Variants in SPTLC2 observed in about 807,000 individuals in gnomAD.
SPTLC2 encodes serine palmitoyltransferase long chain base subunit 2.
A neutral mutation model predicts 62.0 loss-of-function variants in SPTLC2; 21 were observed. The ratio of observed to expected loss-of-function variants is 0.34; its 90% CI spans 0.24 to 0.49. SPTLC2 has a LOEUF of 0.49. SPTLC2 is among the 20% of genes least tolerant of loss of function. The pLI is 0.99. For missense variants in SPTLC2, 511 were observed against 713.0 expected (o/e 0.72, Z 3.23); for synonymous variants, 261 against 261.8 (o/e 1.00, Z 0.03).
chr14:77,515,758 C>T (rs948715128), intron 11 of SPTLC2, among the ~76,000 whole-genome samples: 1 of 152,048 alleles, frequency 6.6e-6, no homozygotes, highest in Admixed American at 6.6e-5. Context: ...ACTGTGTTGG[C>T]AAGGCTGATC....
chr14:77,589,213 C>A (rs2079801132), intron 2 of SPTLC2, among the ~76,000 whole-genome samples: 1 of 152,006 alleles, frequency 6.6e-6, no homozygotes, highest in Non-Finnish European at 1.5e-5. Flanking sequence ...ACTTTCCTTA[C>A]TGTTCATATA....
In SPTLC2 at chr14:77,598,203, G is replaced by C. The variant is rs982196600; in HGVS notation, c.133-823C>G. ...TAAGCAGGGCTACTTGTTTTCAATAGAAATAACTTATAAATTATATGCCCT... is the reference window on the plus strand; with the variant it reads ...TAAGCAGGGCTACTTGTTTTCAATACAAATAACTTATAAATTATATGCCCT... On this transcript the variant is annotated intron_variant, in intron 1 of 11. Transcript: ENST00000216484. Among the ~76,000 whole-genome samples the C allele has an allele frequency of 2.0e-5, 3 of 150,818 alleles. No individual in the cohort carries two copies. In the East Asian group the frequency reaches 5.9e-4, roughly 29 times the overall value.
In SPTLC2 at chr14:77,541,115, G is replaced by A. The variant is rs552228262; in HGVS notation, c.1303+10981C>T. 5.9e-5 allele frequency among the ~76,000 whole-genome samples: 9 copies of A among 152,038 alleles called. No individual in the cohort carries two copies. The South Asian group carries it at 1.0e-3, about 18-fold the overall frequency. On this transcript the variant is annotated intron_variant, in intron 9 of 11. Transcript: ENST00000216484. Reference sequence around the variant, plus strand: ...GTGATCTCAGCTCACTGCAATCTCCGCCTGCCAGGCTCAAGTGATCCTCCT... The same window carrying A: ...GTGATCTCAGCTCACTGCAATCTCCACCTGCCAGGCTCAAGTGATCCTCCT...
chr14:77,594,973 G>T (rs1390756352), intron 2 of SPTLC2, among the ~76,000 whole-genome samples: 1 of 152,186 alleles, frequency 6.6e-6, no homozygotes, highest in African/African-American at 2.4e-5. Flanking sequence ...AACCTAGGAA[G>T]GGTATGGTAA....
intron 2 of SPTLC2, among the ~76,000 whole-genome samples, chr14:77,590,346 T>C (rs1314060719): frequency 6.6e-6 from 1 of 152,190 alleles, no homozygotes; most frequent in Non-Finnish European, 1.5e-5. Flanking sequence ...TACAGAGTAG[T>C]AAACAAAAAG....
At chr14:77,543,151 G>C (rs1225191797) in intron 9 of SPTLC2, among the ~76,000 whole-genome samples, 1 of 152,224 alleles carries the variant, frequency 6.6e-6, no homozygotes, top group East Asian at 1.9e-4. Context: ...CCGGGTTCCA[G>C]TGATTTTCCT....
chr14:77,534,580 T>C (rs1349274862), intron 9 of SPTLC2, among the ~76,000 whole-genome samples: 1 of 9,298 alleles, frequency 1.1e-4, no homozygotes, highest in Non-Finnish European at 2.9e-4. Flanking sequence ...ACATTTCACA[T>C]ATTTCAGTAC....
Position 77,605,180 on chromosome 14 carries a change from A to T in SPTLC2, c.133-7800T>A, listed in dbSNP as rs946818509. 3.6e-4 allele frequency among the ~76,000 whole-genome samples: 51 copies of T among 143,048 alleles called. 1 individual carries two copies. The highest frequency in any genetic ancestry group is 1.0e-3 in the African/African-American group (39 of 39,112). 93.8% of individuals were successfully genotyped at this position (143,048 alleles called of 152,430 possible). A position where few individuals can be genotyped will look rare whatever the true frequency, so the allele number is the denominator to read the frequency against. Reference sequence around the variant, plus strand: ...AAGTGCCCGCCACCATACCTGGTTAATTTTTTTTTTTTTTTAGATGAGGTT... The same window carrying T: ...AAGTGCCCGCCACCATACCTGGTTATTTTTTTTTTTTTTTTAGATGAGGTT... On this transcript the variant is annotated intron_variant, in intron 1 of 11. Transcript: ENST00000216484.
At chr14:77,536,045 GA>G (rs1186814836) in intron 9 of SPTLC2, 1 of 429,040 alleles carries the variant, frequency 2.3e-6, no homozygotes, top group Admixed American at 2.8e-5. Context: ...GGTTTGAGGG[GA>G]AACCAGCAAA....
chr14:77,585,516 A>G (rs1216945755), intron 2 of SPTLC2, among the ~76,000 whole-genome samples: 1 of 152,214 alleles, frequency 6.6e-6, no homozygotes, highest in Non-Finnish European at 1.5e-5. Flanking sequence ...TCTCTCAAAC[A>G]TGAGCATTTG....
At chr14:77,536,342 C>A (rs963133549) in intron 9 of SPTLC2, among the ~76,000 whole-genome samples, 1 of 151,740 alleles carries the variant, frequency 6.6e-6, no homozygotes, top group Non-Finnish European at 1.5e-5. Context: ...ACACTGTTTG[C>A]TCACTGTAGG....
chr14:77,523,932 G>T (rs2079396764), intron 9 of SPTLC2, among the ~76,000 whole-genome samples: 2 of 152,068 alleles, frequency 1.3e-5, no homozygotes, highest in Admixed American at 1.3e-4. Flanking sequence ...GGCATTCAAA[G>T]AAACAGGAAA....
At chr14:77,603,525 G>A (rs1159011204) in intron 1 of SPTLC2, among the ~76,000 whole-genome samples, 1 of 152,204 alleles carries the variant, frequency 6.6e-6, no homozygotes, top group African/African-American at 2.4e-5. Flanking sequence ...CTCTGAATGT[G>A]TATGTCCAGA....
At chr14:77,542,136 T>C (rs953023658) in intron 9 of SPTLC2, among the ~76,000 whole-genome samples, 7 of 147,452 alleles carry the variant, frequency 4.7e-5, no homozygotes, top group Non-Finnish European at 3.0e-5. Flanking sequence ...AAGAAGGAAG[T>C]AGGGTGAGAG....
chr14:77,508,341 T>C lies in SPTLC2; in HGVS notation c.*3943A>G, dbSNP rs1342236558. 6.6e-6 allele frequency: 1 copy of C among 152,238 alleles called. No individual in the cohort carries two copies. The highest frequency in any genetic ancestry group is 6.5e-5 in the Admixed American group (1 of 15,282). The allele number at this position is 152,238 out of a possible 1,614,324, so 9.4% of individuals were successfully genotyped here. ...CAAGTAGAGATTAAAGCTCATTGGCTTACCTAGAACACCAAGAGAGGAAAG... is the reference window on the plus strand; with the variant it reads ...CAAGTAGAGATTAAAGCTCATTGGCCTACCTAGAACACCAAGAGAGGAAAG... On this transcript the variant is annotated 3_prime_UTR_variant, in exon 12 of 12. Transcript: ENST00000216484.
At chr14:77,564,846 C>A (rs945025570) in intron 5 of SPTLC2, among the ~76,000 whole-genome samples, 5 of 151,654 alleles carry the variant, frequency 3.3e-5, no homozygotes, top group Non-Finnish European at 7.4e-5. Context: ...AAACCCACAA[C>A]GACAGAAATA....
chr14:77,534,018 T>G (rs1350507928), intron 9 of SPTLC2, among the ~76,000 whole-genome samples: 2 of 151,900 alleles, frequency 1.3e-5, no homozygotes, highest in Non-Finnish European at 2.9e-5. Context: ...AATTACCAGG[T>G]GTGGTGACGC....
chr14:77,555,240 G>A, intron 8 of SPTLC2, 60 bp downstream of exon 8: 1 of 1,603,982 alleles, frequency 6.2e-7, no homozygotes, highest in South Asian at 1.1e-5. Context: ...TAGGCCTGAG[G>A]TACCAAATCT....
chr14:77,581,400 T>G (rs934230956), intron 2 of SPTLC2, among the ~76,000 whole-genome samples: 1 of 120,242 alleles, frequency 8.3e-6, no homozygotes, highest in Non-Finnish European at 1.8e-5. Context: ...CCTGATACCA[T>G]CTCTCTTTTT....
Sources: gnomAD v4.1 joint callset for allele counts (sites outside exome capture counted in the v4.1 genomes callset) on GRCh38, gnomAD v4.1.1 for gene constraint, MANE v1.5 for transcripts, NCBI Gene and HGNC (gene_info 2026-07-23, HGNC 2026-07-21) for gene names.